The following EIF3A variants were observed in gnomAD, a reference collection of about 807,000 sequenced individuals.
EIF3A encodes the protein EIF3, p180 subunit.
In EIF3A, 21 loss-of-function variants were observed where a neutral mutation model predicts 186.6. The ratio of observed to expected loss-of-function variants is 0.11; its 90% confidence interval spans 0.08 to 0.16. The LOEUF is 0.16. Ranked by LOEUF, EIF3A falls within the 10% of genes least tolerant of loss-of-function variation. The pLI, the probability that EIF3A is intolerant of heterozygous loss-of-function variation, is 1.00. For synonymous variants in EIF3A, 563 were observed against 584.3 expected (o/e 0.96, Z 0.52); for missense variants, 1,306 against 1,796.3 (o/e 0.73, Z 4.93).
chr10:119,049,879 T>C lies in EIF3A; in HGVS notation c.2580A>G (p.Gln860=), dbSNP rs144259059. The change falls in exon 17 of 22, where the codon CAA becomes CAG. Residue 860 remains glutamine, a synonymous_variant. Transcript: ENST00000369144. ...CTCGTTCTTCAATTTCCAACTCCCT[T>C]TGGCGTTTTTTCCTTTCCACTTCTT... ...KLEEVERKKR[Q]RELEIEERER... is the part of the protein sequence containing the mutation. 644 of 1,614,208 alleles carry C rather than the reference T, an allele frequency of 4.0e-4. 5 individuals carry two copies. In the African/African-American group the frequency reaches 7.2e-3, roughly 18 times the overall value.
intron 1 of EIF3A, among the ~76,000 whole-genome samples, chr10:119,076,763 T>C (rs1174690554): frequency 7.9e-5 from 12 of 151,736 alleles, no homozygotes; most frequent in Non-Finnish European, 1.5e-4. Context: ...TGGTGAAACC[T>C]TGTCTCCACT....
In EIF3A at chr10:119,055,614, A is replaced by G. The variant is rs553128904; in HGVS notation, c.2196+1126T>C. ...GCTGGGGGAGGTGTGATTCACACCC[A>G]TAATCCCAGCACTTTGGGAGGCCCA... On this transcript the variant is annotated intron_variant, in intron 14 of 21. Transcript: ENST00000369144. Among the ~76,000 whole-genome samples, 712 of 152,244 alleles carry G rather than the reference A, an allele frequency of 4.7e-3. 9 individuals are homozygous for G. The highest frequency in any genetic ancestry group is 0.016 in the African/African-American group (670 of 41,540).
intron 1 of EIF3A, among the ~76,000 whole-genome samples, chr10:119,079,808 C>T (rs1241517945): frequency 6.6e-6 from 1 of 152,162 alleles, no homozygotes; most frequent in African/African-American, 2.4e-5. Context: ...TGTCAAGAGA[C>T]GTTGGTTTTA....
At chr10:119,071,647 A>C (rs1407104619) in intron 4 of EIF3A, among the ~76,000 whole-genome samples, 1 of 152,220 alleles carries the variant, frequency 6.6e-6, no homozygotes, top group East Asian at 1.9e-4. Flanking sequence ...TGTCTATTTT[A>C]ACAGGCCTAA....
At chr10:119,068,136 A>C (rs560357456) in intron 6 of EIF3A, among the ~76,000 whole-genome samples, 1 of 152,036 alleles carries the variant, frequency 6.6e-6, no homozygotes, top group Admixed American at 6.6e-5. Context: ...TTTTTAAGTG[A>C]CAGAAAACAG....
At position 119,063,808 on chromosome 10, in the gene EIF3A, G is replaced by A. The variant is rs181159435; in HGVS notation, c.1122+1591C>T. ...ACTAAAAAGATACACAAATCTGGCC[G>A]GCACGGTGGCACACCTGTAATCCCA... On this transcript the variant is annotated intron_variant, in intron 7 of 21. Coordinates refer to ENST00000369144, the MANE Select transcript of EIF3A (RefSeq NM_003750.4). Among the ~76,000 whole-genome samples the A allele has an allele frequency of 3.0e-4, 45 of 152,308 alleles. No homozygotes were observed. In the East Asian group the frequency reaches 7.3e-3, roughly 25 times the overall value.
At chr10:119,076,879 T>C (rs1844183176) in intron 1 of EIF3A, among the ~76,000 whole-genome samples, 1 of 142,400 alleles carries the variant, frequency 7.0e-6, no homozygotes, top group African/African-American at 2.6e-5. Context: ...GAGGTTGCAG[T>C]GAGCCAAGAT....
chr10:119,076,674 G>C (rs1844179375), intron 1 of EIF3A, among the ~76,000 whole-genome samples: 1 of 151,726 alleles, frequency 6.6e-6, no homozygotes, highest in African/African-American at 2.4e-5. Flanking sequence ...AGGCGCCTTG[G>C]CTCACACCTA....
At chr10:119,066,534 A>C (rs987909228) in intron 6 of EIF3A, among the ~76,000 whole-genome samples, 8 of 138,844 alleles carry the variant, frequency 5.8e-5, no homozygotes, top group African/African-American at 1.8e-4. Context: ...AAAAAAAAAA[A>C]AAAAACCTAA....
chr10:119,056,700 A>C, intron 14 of EIF3A, 40 bp downstream of exon 14: 1 of 1,311,550 alleles, frequency 7.6e-7, no homozygotes, highest in South Asian at 1.2e-5. Context: ...AGAGGATTTT[A>C]TTACAATCTA....
chr10:119,075,417 G>T (rs926949366), intron 1 of EIF3A, among the ~76,000 whole-genome samples: 4 of 151,814 alleles, frequency 2.6e-5, no homozygotes, highest in Admixed American at 2.6e-4. Flanking sequence ...TCTGACCAAG[G>T]TTAAAATTTA....
At chr10:119,037,618 C>G (rs1848150959) in intron 20 of EIF3A, among the ~76,000 whole-genome samples, 1 of 152,188 alleles carries the variant, frequency 6.6e-6, no homozygotes, top group Non-Finnish European at 1.5e-5. Flanking sequence ...GACTACCATA[C>G]TGGCCAGCAG....
chr10:119,067,897 G>A (rs905538418), intron 6 of EIF3A, among the ~76,000 whole-genome samples: 1 of 151,816 alleles, frequency 6.6e-6, no homozygotes, highest in Non-Finnish European at 1.5e-5. Context: ...CACAAGCTAC[G>A]CCTCCCAGGT....
intron 7 of EIF3A, among the ~76,000 whole-genome samples, chr10:119,062,543 A>G (rs762621674): frequency 2.3e-4 from 35 of 152,146 alleles, no homozygotes; most frequent in South Asian, 1.0e-3. Context: ...GTATCCTTCT[A>G]GAAGTCTACA....
chr10:119,046,641 G>C (rs1848286201), intron 17 of EIF3A, among the ~76,000 whole-genome samples: 1 of 152,182 alleles, frequency 6.6e-6, no homozygotes, highest in Non-Finnish European at 1.5e-5. Context: ...TTATACTGTG[G>C]AAGTTTTTTT....
chr10:119,038,505 T>G, intron 19 of EIF3A, 66 bp from the exon 20 acceptor site: 3 of 1,290,700 alleles, frequency 2.3e-6, no homozygotes, highest in Middle Eastern at 1.9e-4. Flanking sequence ...TTGGCAATCA[T>G]GAATAGACGT....
intron 17 of EIF3A, 102 bp downstream of exon 17, chr10:119,049,694 CACTGT>C: frequency 1.1e-6 from 1 of 917,302 alleles, no homozygotes; most frequent in Non-Finnish European, 1.7e-6. Context: ...GAGATTGCAC[CACTGT>C]ACTCCAGCCT....
In EIF3A at chr10:119,065,475, A is replaced by G. The variant is rs750814731; in HGVS notation, c.1046T>C (p.Val349Ala). 1.9e-6 allele frequency: 3 copies of G among 1,613,552 alleles called. No homozygotes were observed. The highest frequency in any genetic ancestry group is 2.2e-5 in the East Asian group (1 of 44,892). ...ARLLDMDGII[V>A]EKQRRLATLL... ...TGTTGCAAGGCGACGCTGTTTTTCA[A>G]CTATAATGCCATCCATATCCAGAAG... is the stretch of plus-strand genomic sequence containing the variant. Residue 349 changes from valine to alanine, a missense_variant, in exon 7 of 22, where the codon GTT becomes GCT. Coordinates refer to ENST00000369144, the MANE Select transcript of EIF3A (RefSeq NM_003750.4).
At chr10:119,043,709 C>T (rs1848245775) in intron 18 of EIF3A, among the ~76,000 whole-genome samples, 1 of 152,090 alleles carries the variant, frequency 6.6e-6, no homozygotes, top group South Asian at 2.1e-4. Flanking sequence ...CGCTTGAGGT[C>T]AAGAGGTCAA....
Sources: allele counts gnomAD v4.1 joint callset (sites outside exome capture counted in the v4.1 genomes callset), GRCh38; gene constraint gnomAD v4.1.1; transcripts MANE v1.5; gene names NCBI Gene and HGNC (gene_info 2026-07-23, HGNC 2026-07-21).